The following PTPN7 variants were observed in gnomAD, a reference collection of about 807,000 sequenced individuals.
The protein encoded by PTPN7 is protein tyrosine phosphatase non-receptor type 7.
PTPN7 carries 33 observed loss-of-function variants against 50.3 expected under a neutral mutation model. The ratio of observed to expected loss-of-function variants is 0.66; its 90% CI spans 0.50 to 0.88. PTPN7 has a LOEUF of 0.88. Ranked by LOEUF, PTPN7 falls within the 40% of genes least tolerant of loss-of-function variation. The pLI is 0.00. For synonymous variants in PTPN7, 185 were observed against 186.6 expected, an observed-to-expected ratio of 0.99 and a Z score of 0.07; for missense variants, 412 against 475.4, an observed-to-expected ratio of 0.87 and a Z score of 1.24.
At chr1:202,148,776 G>A in intron 9 of PTPN7, 77 bp from the exon 10 acceptor site, 1 of 1,245,426 alleles carries the variant, frequency 8.0e-7, no homozygotes, top group Non-Finnish European at 1.1e-6. Context: ...AAACATCCCT[G>A]TGGTCCTACT....
At chr1:202,158,538 T>G (rs1296001812) in intron 2 of PTPN7, 3 of 455,716 alleles carry the variant, frequency 6.6e-6, no homozygotes, top group African/African-American at 6.2e-5. Context: ...TTTAAGTTTT[T>G]TTTTTTTTTG....
At position 202,159,294 on chromosome 1, in the gene PTPN7, G is replaced by A. The variant is rs149516769; in HGVS notation, c.109C>T (p.Arg37Ter). 32 of 1,614,046 alleles carry A rather than the reference G, an allele frequency of 2.0e-5. No individual in the cohort carries two copies. Among genetic ancestry groups the A allele is most frequent in the African/African-American group, 2.7e-5 (2 of 74,940 alleles). ...PEKTPAKKHV[R>*]LQERRGSNVA... ...GGAAGATCTCACCTCTCCTGCAGTC[G>A]CACATGCTTCTTGGCTGGCGTTTTT... The change falls in exon 2 of 10, where the codon CGA (arginine) becomes TGA (stop). Residue 37 changes from arginine (R) to a stop codon, truncating the protein, a stop_gained. Coordinates refer to ENST00000691036, the MANE Select transcript of PTPN7 (RefSeq NM_002832.4). LOFTEE classifies it high-confidence loss of function. The surrounding 1 kb of genome is among the most constrained non-coding windows in gnomAD (Gnocchi z 4.6).
chr1:202,154,475 A>G, intron 5 of PTPN7, 152 bp from the exon 6 acceptor site: 2 of 897,898 alleles, frequency 2.2e-6, no homozygotes, highest in African/African-American at 1.7e-5. Flanking sequence ...CAGAAGCCAC[A>G]TGATGGAAAG....
upstream of PTPN7, chr1:202,161,435 C>T (rs1467470152): frequency 2.3e-6 from 3 of 1,289,518 alleles, no homozygotes; most frequent in Non-Finnish European, 3.0e-6. Flanking sequence ...CCCATGTCCT[C>T]TTCGCTGCTG....
intron 8 of PTPN7, among the ~76,000 whole-genome samples, chr1:202,150,969 T>C (rs888200606): frequency 6.6e-6 from 1 of 152,048 alleles, no homozygotes; most frequent in Non-Finnish European, 1.5e-5. Context: ...CCTAATGACC[T>C]CCCTGCACAT....
chr1:202,153,454 C>T (rs1264804971), intron 7 of PTPN7, among the ~76,000 whole-genome samples: 1 of 152,196 alleles, frequency 6.6e-6, no homozygotes, highest in Non-Finnish European at 1.5e-5. Flanking sequence ...CCTCTCCTTC[C>T]CTTGGCCCTG....
intron 8 of PTPN7, among the ~76,000 whole-genome samples, chr1:202,150,943 T>C (rs1655944257): frequency 6.6e-6 from 1 of 152,042 alleles, no homozygotes; most frequent in East Asian, 1.9e-4. Flanking sequence ...GGCCTCCCCT[T>C]CCTCTTGCGT....
upstream of PTPN7, chr1:202,160,614 C>G: frequency 6.4e-7 from 1 of 1,550,558 alleles, no homozygotes; most frequent in Non-Finnish European, 8.7e-7. The surrounding 1 kb of genome is among the most constrained non-coding windows in gnomAD (Gnocchi z 4.8). Flanking sequence ...TCTTTGAGGG[C>G]TGAGAAGGCT....
intron 9 of PTPN7, 125 bp downstream of exon 9, chr1:202,150,186 C>A (rs1655820065): frequency 1.3e-6 from 1 of 749,014 alleles, no homozygotes. Flanking sequence ...CAGCTCTAAG[C>A]AGAAAGGGTT....
chr1:202,161,233 A>C, upstream of PTPN7: 1 of 1,127,216 alleles, frequency 8.9e-7, no homozygotes, highest in South Asian at 2.1e-5. Context: ...GCCACGGCCC[A>C]GCTCTCCACA....
chr1:202,160,626 C>T, upstream of PTPN7: 1 of 1,550,558 alleles, frequency 6.4e-7, no homozygotes, highest in Non-Finnish European at 8.7e-7. The surrounding 1 kb of genome is among the most constrained non-coding windows in gnomAD (Gnocchi z 4.8). Flanking sequence ...GAGAAGGCTC[C>T]AGGAAGCCAG....
intron 8 of PTPN7, among the ~76,000 whole-genome samples, chr1:202,151,355 G>A (rs753301264): frequency 2.0e-5 from 3 of 152,126 alleles, no homozygotes; most frequent in Non-Finnish European, 2.9e-5. Flanking sequence ...TGCCTGGAAC[G>A]TGTTCCCTTC....
rs1657182046 is a variant in PTPN7 at position 202,160,051 on chromosome 1, TC to T, written c.-53+493del. On this transcript the variant is annotated intron_variant, in intron 1 of 9. Coordinates refer to ENST00000691036, the MANE Select transcript of PTPN7 (RefSeq NM_002832.4). This position sits in a 1 kb window ranked among gnomAD's most constrained non-coding sequence, Gnocchi z 4.8. ...GGTGTTTCCTTCCTCCTCCTGCCCA[TC>T]CCCCCGTCTCCCGCCTCTGTAACCG... The T allele has an allele frequency of 1.5e-5, 13 of 872,964 alleles. No homozygotes were observed. Among genetic ancestry groups the T allele is most frequent in the Non-Finnish European group, 1.5e-5 (11 of 724,410 alleles). The allele number at this position is 872,964 out of a possible 1,614,324, so 54.1% of individuals were successfully genotyped here.
Position 202,152,685 on chromosome 1 carries a change from G to A in PTPN7, c.732C>T (p.Arg244=). ...RQLTIQYQEE[R]RSVKHILFSA... The stretch of plus-strand genomic sequence containing the variant: ...AAAAGAGGATGTGCTTTACTGACCG[G>A]CGCTCTTCCTGGTACTGGATTGGAG... Residue 244 remains arginine, a synonymous_variant, in exon 8 of 10, where the codon CGC becomes CGT. Transcript: ENST00000691036. 1 of 1,614,084 alleles carries A rather than the reference G, an allele frequency of 6.2e-7. No individual in the cohort carries two copies. Among genetic ancestry groups the A allele is most frequent in the Non-Finnish European group, 8.5e-7 (1 of 1,180,016 alleles).
chr1:202,156,197 A>T (rs1489411888), intron 4 of PTPN7, among the ~76,000 whole-genome samples: 14 of 152,228 alleles, frequency 9.2e-5, no homozygotes, highest in African/African-American at 3.4e-4. Context: ...GATGGACTAG[A>T]GAAGAAAGGG....
chr1:202,153,793 G>A lies in PTPN7; in HGVS notation c.649C>T (p.Pro217Ser), dbSNP rs1274766369. The A allele has an allele frequency of 1.9e-6, 3 of 1,614,092 alleles. No homozygotes were observed. The highest frequency in any genetic ancestry group is 3.3e-5 in the Admixed American group (2 of 60,020). Residue 217 changes from proline to serine, a missense_variant, in exon 7 of 10, where the codon CCC becomes TCC. Pro to Ser is a moderately conservative substitution (Grantham distance 74). Transcript: ENST00000691036. ...YWPTEEETYG[P>S]FQIRIQDMKE... ...ATGTCCTGGATGCGGATCTGGAAGGGTCCATAGGTTTCCTCTTCTGTGGGC... is the reference window on the plus strand; with the variant it reads ...ATGTCCTGGATGCGGATCTGGAAGGATCCATAGGTTTCCTCTTCTGTGGGC...
chr1:202,158,375 T>G (rs1209254635), intron 2 of PTPN7, 74 bp from the exon 3 acceptor site: 1 of 1,493,032 alleles, frequency 6.7e-7, no homozygotes, highest in African/African-American at 1.4e-5. Flanking sequence ...ATCTTTTCTT[T>G]TAGAGATAGG....
chr1:202,153,957 G>T (rs1656348013), intron 6 of PTPN7, 122 bp from the exon 7 acceptor site: 1 of 1,013,842 alleles, frequency 9.9e-7, no homozygotes, highest in Non-Finnish European at 1.5e-6. Context: ...CAGCAACAGG[G>T]AGCCTGGCTC....
Position 202,148,270 on chromosome 1 carries a change from G to C in PTPN7, c.*336C>G. The C allele has an allele frequency of 4.5e-6, 1 of 222,350 alleles. No individual in the cohort carries two copies. Among genetic ancestry groups the C allele is most frequent in the Non-Finnish European group, 8.8e-6 (1 of 113,864 alleles). 13.8% of individuals were successfully genotyped at this position (222,350 alleles called of 1,614,324 possible). On this transcript the variant is annotated 3_prime_UTR_variant, in exon 10 of 10. Transcript: ENST00000691036. The stretch of plus-strand genomic sequence containing the variant: ...AGAACAGGAAACTGAAGCTCACAAA[G>C]AGTGTCTCAGAGAACACCAGGACAC...
Sources: gnomAD v4.1 joint callset for allele counts (sites outside exome capture counted in the v4.1 genomes callset) on GRCh38, gnomAD v4.1.1 for gene constraint, Gnocchi (gnomAD v3.1) non-coding constraint, MANE v1.5 for transcripts, NCBI Gene and HGNC (gene_info 2026-07-23, HGNC 2026-07-21) for gene names.